TMEM231: variants seen among roughly 807,000 people sequenced by gnomAD.
The protein encoded by TMEM231 is transmembrane protein 231.
In TMEM231, 40 loss-of-function variants were observed where a neutral mutation model predicts 38.5. The observed-to-expected ratio is 1.04, with a 90% CI of 0.81 to 1.35. TMEM231 has a LOEUF of 1.35. Among genes scored for constraint, TMEM231 ranks in the 40% most tolerant of loss-of-function variants. The probability of loss-of-function intolerance (pLI) is 0.00; values close to 1 mark genes in which losing one functional copy is unlikely to be tolerated. For synonymous variants in TMEM231, 199 were observed against 181.7 expected, an observed-to-expected ratio of 1.10 and a Z score of -0.77; for missense variants, 420 against 416.9, an observed-to-expected ratio of 1.01 and a Z score of -0.07.
intron 2 of TMEM231, among the ~76,000 whole-genome samples, chr16:75,550,241 A>T (rs913005076): frequency 3.3e-5 from 5 of 152,238 alleles, no homozygotes; most frequent in African/African-American, 1.2e-4. Context: ...AGATGGGGCC[A>T]GGACCTCTGA....
chr16:75,556,007 G>A (rs767782404), intron 1 of TMEM231, 34 bp from the exon 2 acceptor site: 1 of 1,583,862 alleles, frequency 6.3e-7, no homozygotes, highest in Non-Finnish European at 8.6e-7. Context: ...AGGCGGTTAG[G>A]GAGGCCGGCC....
At chr16:75,540,806 C>T (rs2080617456) in intron 6 of TMEM231, among the ~76,000 whole-genome samples, 1 of 152,106 alleles carries the variant, frequency 6.6e-6, no homozygotes, top group African/African-American at 2.4e-5. Context: ...CAAATAGGAC[C>T]AAGACATGAA....
intron 4 of TMEM231, among the ~76,000 whole-genome samples, chr16:75,543,929 T>C (rs562467163): frequency 1.3e-5 from 2 of 152,320 alleles, no homozygotes; most frequent in South Asian, 4.1e-4. Flanking sequence ...ATAACATCCC[T>C]TTTTCATTTT....
Position 75,545,449 on chromosome 16 carries a change from G to C in TMEM231, c.485C>G (p.Ser162Cys), listed in dbSNP as rs771567595. Residue 162 changes from serine (S) to cysteine (C), a missense_variant, in exon 4 of 7, where the codon TCC (serine) becomes TGC (cysteine). By Grantham distance (112) the Ser-to-Cys change is moderately radical. Transcript: ENST00000258173. ...TAACTGGGATCCCGGGACAGGAAAG[G>C]AGGACTGGAGAAACGCCATGCTCTG... Reference protein sequence around the residue: ...VMQSMAFLQSSFPVPGSQLYV... With the variant: ...VMQSMAFLQSCFPVPGSQLYV... 1.9e-6 allele frequency: 3 copies of C among 1,602,122 alleles called. No individual in the cohort carries two copies. Among genetic ancestry groups the C allele is most frequent in the Non-Finnish European group, 2.6e-6 (3 of 1,173,248 alleles).
intron 2 of TMEM231, among the ~76,000 whole-genome samples, chr16:75,548,897 T>C (rs1396571828): frequency 6.6e-6 from 1 of 152,014 alleles, no homozygotes; most frequent in Non-Finnish European, 1.5e-5. Flanking sequence ...CCAAAAAGAA[T>C]TTAACAGAAA....
In TMEM231 at chr16:75,539,814, C is replaced by T. The variant is rs2080599013; in HGVS notation, c.*180G>A. The T allele has an allele frequency of 1.9e-5, 9 of 478,010 alleles. No individual in the cohort carries two copies. Among genetic ancestry groups the T allele is most frequent in the Non-Finnish European group, 3.3e-5 (9 of 275,804 alleles). The allele number at this position is 478,010 out of a possible 1,614,324, so 29.6% of individuals were successfully genotyped here. On this transcript the variant is annotated 3_prime_UTR_variant, in exon 7 of 7. Coordinates refer to ENST00000258173, the MANE Select transcript of TMEM231 (RefSeq NM_001077418.3). ...TTCCACAAACTAGTCCCTGACAATT[C>T]TGCAGGAGCTCTGAAGATACGGAAC...
rs388223 is a variant in TMEM231, at chr16:75,538,794, G to C, written c.*1200C>G. 6.6e-5 allele frequency: 10 copies of C among 152,196 alleles called. No homozygotes were observed. Among genetic ancestry groups the C allele is most frequent in the South Asian group, 2.1e-4 (1 of 4,822 alleles). The allele number at this position is 152,196 out of a possible 1,614,324, so 9.4% of individuals were successfully genotyped here. A position where few individuals can be genotyped will look rare whatever the true frequency, so the allele number is the denominator to read the frequency against. On this transcript the variant is annotated 3_prime_UTR_variant, in exon 7 of 7. Coordinates refer to ENST00000258173, the MANE Select transcript of TMEM231 (RefSeq NM_001077418.3). The stretch of plus-strand genomic sequence containing the variant: ...CTGCCCACATCCTCAGGAGGTGAAT[G>C]GGCTGAACAAGCCATCTTCCGTGTG...
intron 2 of TMEM231, among the ~76,000 whole-genome samples, chr16:75,552,489 G>T (rs1387808531): frequency 6.6e-6 from 1 of 152,050 alleles, no homozygotes; most frequent in East Asian, 1.9e-4. Flanking sequence ...ATTCATAAAA[G>T]AAACTAAAAG....
At chr16:75,545,263 C>T in intron 4 of TMEM231, 89 bp downstream of exon 4, 1 of 1,529,664 alleles carries the variant, frequency 6.5e-7, no homozygotes, top group Non-Finnish European at 8.8e-7. Context: ...CCTGGCCTGA[C>T]ATTTCTACTT....
intron 2 of TMEM231, among the ~76,000 whole-genome samples, chr16:75,554,010 C>G (rs1008083186): frequency 6.6e-6 from 1 of 152,128 alleles, no homozygotes; most frequent in African/African-American, 2.4e-5. Flanking sequence ...TACCCAATAC[C>G]TTTCTCATTA....
At chr16:75,555,694 A>G (rs1448728511) in intron 2 of TMEM231, 110 bp downstream of exon 2, 2 of 1,204,658 alleles carry the variant, frequency 1.7e-6, no homozygotes, top group Middle Eastern at 2.9e-4. Flanking sequence ...AGTCCTTAGG[A>G]TCAAAGCTGG....
At chr16:75,540,297 G>C in intron 6 of TMEM231, 123 bp from the exon 7 acceptor site, 2 of 941,306 alleles carry the variant, frequency 2.1e-6, no homozygotes, top group Non-Finnish European at 3.0e-6. Flanking sequence ...TACACACCCA[G>C]ATGGAAGCTG....
intron 6 of TMEM231, among the ~76,000 whole-genome samples, 159 bp from the exon 7 acceptor site, chr16:75,540,333 C>G (rs747135017): frequency 1.3e-5 from 2 of 152,222 alleles, no homozygotes; most frequent in African/African-American, 2.4e-5. Context: ...AATGGTAAAA[C>G]CAGCCACATT....
intron 2 of TMEM231, among the ~76,000 whole-genome samples, chr16:75,550,226 G>C (rs114990078): frequency 0.012 from 1,839 of 152,306 alleles, 44 homozygotes; most frequent in African/African-American, 0.041. Context: ...AAGGGACCGC[G>C]GCCCAGATGG....
chr16:75,556,020 G>C lies in TMEM231; in HGVS notation c.140-47C>G, dbSNP rs369232571. On this transcript the variant is annotated intron_variant, in intron 1 of 6. Transcript: ENST00000258173. Reference sequence around the variant, plus strand: ...GGAGGCGGTTAGGGAGGCCGGCCCTGGCCGAGCGCGCCCGGGGAGCCTCGT... The same window carrying C: ...GGAGGCGGTTAGGGAGGCCGGCCCTCGCCGAGCGCGCCCGGGGAGCCTCGT... 1.9e-6 allele frequency: 3 copies of C among 1,572,616 alleles called. No individual in the cohort carries two copies. The African/African-American group carries it at 4.1e-5, about 21-fold the overall frequency.
chr16:75,541,039 G>T (rs923606211), intron 6 of TMEM231, among the ~76,000 whole-genome samples: 4 of 152,028 alleles, frequency 2.6e-5, no homozygotes, highest in African/African-American at 9.7e-5. Context: ...TAAGAGGCAG[G>T]GTCTCACTCT....
In TMEM231 at chr16:75,553,748, C is replaced by T. The variant is rs184041497; in HGVS notation, c.309+2056G>A. Among the ~76,000 whole-genome samples the T allele has an allele frequency of 1.5e-4, 23 of 151,984 alleles. No homozygotes were observed. The East Asian group carries it at 1.5e-3, about 10-fold the overall frequency. On this transcript the variant is annotated intron_variant, in intron 2 of 6. Coordinates refer to ENST00000258173, the MANE Select transcript of TMEM231 (RefSeq NM_001077418.3). ...ATGTTGCCCACACTGGCCTTGAACT[C>T]CTGGGCTCAAGCAATCCTCCTGCCT...
rs1165921338 is a variant in TMEM231, at chr16:75,537,795, T to G, written c.*2199A>C. 1 of 152,182 alleles carries G rather than the reference T, an allele frequency of 6.6e-6. No individual in the cohort carries two copies. Among genetic ancestry groups the G allele is most frequent in the East Asian group, 1.9e-4 (1 of 5,172 alleles). 9.4% of individuals were successfully genotyped at this position (152,182 alleles called of 1,614,324 possible). On this transcript the variant is annotated 3_prime_UTR_variant, in exon 7 of 7. Coordinates refer to ENST00000258173, the MANE Select transcript of TMEM231 (RefSeq NM_001077418.3). ...CCACCGCTCCCGGCCTCTTGCTTTT[T>G]ATTTACCTCTTGCAGCTATGCTGTG...
intron 6 of TMEM231, 30 bp downstream of exon 6, chr16:75,541,320 T>G: frequency 1.5e-5 from 23 of 1,542,930 alleles, no homozygotes; most frequent in Non-Finnish European, 2.0e-5. Flanking sequence ...ACATCCAGCC[T>G]TAACATGGAC....
Sources: gnomAD v4.1 joint callset for allele counts (sites outside exome capture counted in the v4.1 genomes callset) on GRCh38, gnomAD v4.1.1 for gene constraint, MANE v1.5 for transcripts, NCBI Gene and HGNC (gene_info 2026-07-23, HGNC 2026-07-21) for gene names.